Variants in TRIM66 observed in about 807,000 individuals in gnomAD.
TRIM66 encodes the protein tripartite motif containing 66, also known as tripartite motif-containing protein 66.
Under a neutral mutation model 148.2 loss-of-function variants are expected in TRIM66, and 99 were observed. That is an observed-to-expected ratio of 0.67 (90% confidence interval 0.57 to 0.79). The LOEUF is 0.79. TRIM66 is among the 30% of genes least tolerant of loss of function. TRIM66 has a pLI of 0.00. For missense variants in TRIM66, 1,666 were observed against 1,697.9 expected (o/e 0.98, Z 0.33); for synonymous variants, 616 against 635.9 (o/e 0.97, Z 0.47).
At chr11:8,645,640 A>T (rs1196048002) in intron 12 of TRIM66, 101 bp downstream of exon 12, 1 of 1,399,088 alleles carries the variant, frequency 7.1e-7, no homozygotes, top group Admixed American at 2.4e-5. Flanking sequence ...CCATCCTAAA[A>T]AGAAAAGGCA....
intron 24 of TRIM66, 112 bp downstream of exon 24, chr11:8,618,638 T>A: frequency 9.7e-7 from 1 of 1,025,800 alleles, no homozygotes; most frequent in Non-Finnish European, 1.4e-6. Context: ...GGGTTCGTTG[T>A]CACCACCATC....
At chr11:8,634,251 C>T (rs199959025) in intron 15 of TRIM66, among the ~76,000 whole-genome samples, 77 of 152,284 alleles carry the variant, frequency 5.1e-4, no homozygotes, top group Admixed American at 3.3e-3. Context: ...CTACAACTTC[C>T]GCCTCCCAGG....
At chr11:8,678,203 T>G (rs2039267420) in intron 3 of TRIM66, 2 of 152,132 alleles carry the variant, frequency 1.3e-5, no homozygotes, top group African/African-American at 2.4e-5. Flanking sequence ...AAGAAAAAAT[T>G]ATATACAAAT....
intron 15 of TRIM66, among the ~76,000 whole-genome samples, chr11:8,633,196 C>T (rs1486019007): frequency 6.6e-6 from 1 of 152,164 alleles, no homozygotes; most frequent in Non-Finnish European, 1.5e-5. Flanking sequence ...GTGGAACATG[C>T]CTGTAATCCC....
At chr11:8,630,207 G>A (rs1438834535) in intron 15 of TRIM66, among the ~76,000 whole-genome samples, 2 of 152,162 alleles carry the variant, frequency 1.3e-5, no homozygotes, top group African/African-American at 2.4e-5. Context: ...CACTTCTCAA[G>A]AGCATGATGG....
intron 6 of TRIM66, chr11:8,654,299 A>G (rs1047660507): frequency 2.6e-5 from 4 of 152,190 alleles, no homozygotes; most frequent in African/African-American, 9.7e-5. Context: ...TGCCATGCCC[A>G]ACATCTCTGC....
Position 8,624,892 on chromosome 11 carries a change from T to C in TRIM66, c.2647A>G (p.Ser883Gly). The C allele has an allele frequency of 5.2e-6, 8 of 1,551,612 alleles. No individual in the cohort carries two copies. ...GCCTGGGTGTGACCAGACATTAGGC[T>C]GGGCCCAGCCTGAGGGTGATCACTT... ...LASDHPQAGP[S>G]LMSGHTQAVP... The change falls in exon 16 of 25, where the codon AGC (serine) becomes GGC (glycine). Residue 883 changes from serine (S) to glycine (G), a missense_variant. This residue lies in a region of TRIM66 where 1,431 missense variants were observed against 1,412.4 expected (regional missense o/e 1.01). Coordinates refer to ENST00000646038, the MANE Select transcript of TRIM66 (RefSeq NM_001388022.1).
chr11:8,621,911 A>C, intron 18 of TRIM66, 92 bp from the exon 19 acceptor site: 1 of 1,248,194 alleles, frequency 8.0e-7, no homozygotes, highest in Non-Finnish European at 1.1e-6. Context: ...TGTGATGATT[A>C]ATATTGAGTG....
chr11:8,672,935 C>CTAT (rs774617497), intron 4 of TRIM66, among the ~76,000 whole-genome samples: 10 of 129,942 alleles, frequency 7.7e-5, no homozygotes, highest in Non-Finnish European at 9.5e-5. Flanking sequence ...CTGGCCCATA[C>CTAT]TCTTTTTTTT....
intron 13 of TRIM66, 120 bp downstream of exon 13, chr11:8,642,889 G>C: frequency 3.3e-6 from 1 of 302,776 alleles, no homozygotes. Flanking sequence ...ATGATTCCAT[G>C]ACCACTGGCA....
chr11:8,620,007 C>T, intron 22 of TRIM66, 43 bp downstream of exon 22: 1 of 1,519,698 alleles, frequency 6.6e-7, no homozygotes, highest in South Asian at 1.2e-5. Context: ...GGCACAAATC[C>T]ACATGCAAGG....
chr11:8,649,939 C>A, intron 7 of TRIM66, 52 bp from the exon 8 acceptor site: 2 of 1,527,682 alleles, frequency 1.3e-6, no homozygotes, highest in Middle Eastern at 1.7e-4. Flanking sequence ...TTGTGTCTGC[C>A]TCCACAAGTG....
At chr11:8,645,716 T>C (rs890724187) in intron 12 of TRIM66, 25 bp downstream of exon 12, 66 of 1,551,210 alleles carry the variant, frequency 4.3e-5, no homozygotes, top group Non-Finnish European at 5.7e-5. Context: ...AAGGACAGGC[T>C]GAGGAGTTGG....
intron 6 of TRIM66, among the ~76,000 whole-genome samples, chr11:8,656,767 C>T (rs960696716): frequency 6.6e-6 from 1 of 152,210 alleles, no homozygotes; most frequent in Admixed American, 6.5e-5. Flanking sequence ...TCTCCTGTAT[C>T]ATGCAGCTGA....
Position 8,646,516 on chromosome 11 carries a change from G to C in TRIM66, c.888C>G (p.Ile296Met), listed in dbSNP as rs973276200. 1.9e-6 allele frequency: 3 copies of C among 1,551,916 alleles called. No individual in the cohort carries two copies. The highest frequency in any genetic ancestry group is 2.7e-5 in the African/African-American group (2 of 73,010). Reference sequence around the variant, plus strand: ...TCATCAGAACCATCTTGGCCATTTTGATCTGGTTTTCCACCTTCCTATGCT... The same window carrying C: ...TCATCAGAACCATCTTGGCCATTTTCATCTGGTTTTCCACCTTCCTATGCT... ...KHQHRKVENQ[I>M]KMAKMVLMNE... The change falls in exon 11 of 25, where the codon ATC (isoleucine) becomes ATG (methionine). Residue 296 changes from isoleucine (I) to methionine (M), a missense_variant. Around this residue, in one of 3 missense-constraint regions of TRIM66, gnomAD observed 1,431 missense variants for 1,412.4 expected, o/e 1.01. Coordinates refer to ENST00000646038, the MANE Select transcript of TRIM66 (RefSeq NM_001388022.1).
In TRIM66 at chr11:8,616,973, G is replaced by A. The variant is rs1457048479; in HGVS notation, c.*971C>T. The A allele has an allele frequency of 1.3e-5, 2 of 152,200 alleles. No individual in the cohort carries two copies. The highest frequency in any genetic ancestry group is 2.9e-5 in the Non-Finnish European group (2 of 68,100). 9.4% of individuals were successfully genotyped at this position (152,200 alleles called of 1,614,324 possible). On this transcript the variant is annotated 3_prime_UTR_variant, in exon 25 of 25. Coordinates refer to ENST00000646038, the MANE Select transcript of TRIM66 (RefSeq NM_001388022.1). ...AGGCCCAGAGGAGTGAGCTGGTTGT[G>A]GGTTACTCTCTCCACCCATGGAACT... is the stretch of plus-strand genomic sequence containing the variant.
At chr11:8,622,631 C>T (rs2034411484) in intron 18 of TRIM66, among the ~76,000 whole-genome samples, 185 bp downstream of exon 18, 1 of 151,890 alleles carries the variant, frequency 6.6e-6, no homozygotes, top group African/African-American at 2.4e-5. Context: ...CCTCGTGGTG[C>T]AGGAGCCAGG....
chr11:8,656,918 C>G (rs140137014), intron 6 of TRIM66, among the ~76,000 whole-genome samples: 1 of 152,152 alleles, frequency 6.6e-6, no homozygotes, highest in Non-Finnish European at 1.5e-5. Context: ...TCCCTGTACC[C>G]GGGGATTGGC....
chr11:8,638,723 T>C lies in TRIM66; in HGVS notation c.2241A>G (p.Glu747=). 1 of 1,550,004 alleles carries C rather than the reference T, an allele frequency of 6.5e-7. No homozygotes were observed. The highest frequency in any genetic ancestry group is 8.7e-7 in the Non-Finnish European group (1 of 1,146,346). ...TAAALPQASG[E]ETPLSVPPVD... ...CTGGGGGGACACTGAGAGGGGTTTCTTCCCCAGACGCCTGGGGCAAGGCAG... is the reference window on the plus strand; with the variant it reads ...CTGGGGGGACACTGAGAGGGGTTTCCTCCCCAGACGCCTGGGGCAAGGCAG... The change falls in exon 15 of 25, where the codon GAA becomes GAG. Residue 747 remains glutamate, a synonymous_variant. Coordinates refer to ENST00000646038, the MANE Select transcript of TRIM66 (RefSeq NM_001388022.1).
Sources: allele counts gnomAD v4.1 joint callset (sites outside exome capture counted in the v4.1 genomes callset), GRCh38; gene constraint gnomAD v4.1.1; regional missense constraint gnomAD v4.1.1; transcripts MANE v1.5; gene names NCBI Gene and HGNC (gene_info 2026-07-23, HGNC 2026-07-21).